Variants in CTNNA3 observed in about 807,000 individuals in gnomAD.
CTNNA3 encodes the protein catenin alpha-3.
In CTNNA3, 76 loss-of-function variants were observed where a neutral mutation model predicts 95.7. The observed-to-expected ratio is 0.79, with a 90% CI of 0.66 to 0.96. The LOEUF is 0.96. Ranked by LOEUF, CTNNA3 falls within the 40% of genes least tolerant of loss-of-function variation. CTNNA3 has a pLI of 0.00. For synonymous variants in CTNNA3, 431 were observed against 374.4 expected (o/e 1.15, Z -1.74); for missense variants, 1,191 against 1,089.8 (o/e 1.09, Z -1.31).
rs189534227 is a variant in CTNNA3 at position 67,633,329 on chromosome 10, G to A, written c.99+14086C>T. On this transcript the variant is annotated intron_variant, in intron 2 of 17. Coordinates refer to ENST00000433211, the MANE Select transcript of CTNNA3 (RefSeq NM_013266.4). ...CCTGCCAGCTTTGGAGAATACAAACGGTCCAGATGAAGAAGGATCCCTCAC... is the reference window on the plus strand; with the variant it reads ...CCTGCCAGCTTTGGAGAATACAAACAGTCCAGATGAAGAAGGATCCCTCAC... Among the ~76,000 whole-genome samples the A allele has an allele frequency of 2.9e-3, 436 of 152,198 alleles. 5 individuals carry two copies. Among genetic ancestry groups the A allele is most frequent in the East Asian group, 2.3e-3 (12 of 5,188 alleles).
intron 5 of CTNNA3, among the ~76,000 whole-genome samples, chr10:67,258,138 CTTTGTTTGTTTG>C (rs556872529): frequency 6.6e-6 from 1 of 151,870 alleles, no homozygotes; most frequent in African/African-American, 2.4e-5. Flanking sequence ...AATGGTTATC[CTTTGTTTGTTTG>C]TTTGTTTGTT....
chr10:66,870,803 A>G (rs568152633), intron 7 of CTNNA3, among the ~76,000 whole-genome samples: 4 of 152,126 alleles, frequency 2.6e-5, no homozygotes, highest in Admixed American at 1.3e-4. Context: ...ACATTTGTTT[A>G]TGATTTTCTT....
chr10:67,698,702 T>A (rs948549884), upstream of CTNNA3, among the ~76,000 whole-genome samples: 6 of 152,178 alleles, frequency 3.9e-5, no homozygotes, highest in Admixed American at 3.3e-4. Context: ...AAAATGAGAT[T>A]TAAAGCTAGG....
intron 7 of CTNNA3, among the ~76,000 whole-genome samples, chr10:66,783,182 G>A (rs1356210760): frequency 6.6e-6 from 1 of 152,090 alleles, no homozygotes; most frequent in African/African-American, 2.4e-5. Flanking sequence ...AATTTTAACC[G>A]ATATTCACCA....
intron 12 of CTNNA3, among the ~76,000 whole-genome samples, chr10:66,334,335 C>T (rs564545175): frequency 6.6e-6 from 1 of 152,024 alleles, no homozygotes; most frequent in South Asian, 2.1e-4. Flanking sequence ...ATAGTCTTTA[C>T]AATTTGGCAT....
chr10:66,105,912 TAACTC>T (rs2081880844), intron 13 of CTNNA3, among the ~76,000 whole-genome samples: 1 of 152,092 alleles, frequency 6.6e-6, no homozygotes, highest in Admixed American at 6.6e-5. Context: ...GGCAATACAT[TAACTC>T]CTTCAGCACT....
At chr10:66,806,754 A>ATGTG (rs1344673321) in intron 7 of CTNNA3, among the ~76,000 whole-genome samples, 7 of 73,468 alleles carry the variant, frequency 9.5e-5, no homozygotes, top group South Asian at 5.0e-4. Context: ...AATGTGGCAT[A>ATGTG]TATGTGTGTG....
At chr10:67,055,913 G>A (rs1176634196) in intron 7 of CTNNA3, among the ~76,000 whole-genome samples, 1 of 152,152 alleles carries the variant, frequency 6.6e-6, no homozygotes, top group East Asian at 1.9e-4. Context: ...GGGAATTCTG[G>A]TCAAGGAGGA....
chr10:66,629,387 T>C (rs923148575), intron 9 of CTNNA3, among the ~76,000 whole-genome samples: 2 of 152,136 alleles, frequency 1.3e-5, no homozygotes, highest in Non-Finnish European at 2.9e-5. Context: ...CTCTCAGTAA[T>C]ATCTCAAATC....
chr10:66,507,758 A>G (rs1215111301), intron 11 of CTNNA3, among the ~76,000 whole-genome samples: 1 of 152,078 alleles, frequency 6.6e-6, no homozygotes, highest in African/African-American at 2.4e-5. Context: ...CTGTTAATGG[A>G]CATTTAGGTT....
chr10:66,960,972 T>G (rs1175545214), intron 7 of CTNNA3, among the ~76,000 whole-genome samples: 1 of 152,180 alleles, frequency 6.6e-6, no homozygotes, highest in East Asian at 1.9e-4. Context: ...CTGAGAACAA[T>G]GTTTTTAAAT....
intron 13 of CTNNA3, among the ~76,000 whole-genome samples, chr10:66,252,277 A>G (rs2090589637): frequency 6.6e-6 from 1 of 152,134 alleles, no homozygotes; most frequent in South Asian, 2.1e-4. Context: ...TCTCAGGAAG[A>G]GAACATATTT....
chr10:66,103,130 G>T (rs998782164), intron 14 of CTNNA3, 27 bp downstream of exon 14: 58 of 1,578,456 alleles, frequency 3.7e-5, no homozygotes, highest in Non-Finnish European at 4.7e-5. Context: ...ACAGTACATG[G>T]TTCTCCCACC....
At chr10:67,195,603 C>T (rs1863325248) in intron 6 of CTNNA3, among the ~76,000 whole-genome samples, 1 of 151,954 alleles carries the variant, frequency 6.6e-6, no homozygotes, top group Admixed American at 6.6e-5. Flanking sequence ...TGAATAAAGC[C>T]ATAGACCCAT....
intron 5 of CTNNA3, among the ~76,000 whole-genome samples, chr10:67,434,923 G>A (rs1222859355): frequency 2.0e-5 from 3 of 151,902 alleles, no homozygotes; most frequent in African/African-American, 7.2e-5. Flanking sequence ...CTGAGTACCT[G>A]TGAAATCAGA....
chr10:66,197,261 T>G lies in CTNNA3; in HGVS notation c.1884+83209A>C, dbSNP rs578262130. Among the ~76,000 whole-genome samples, 230 of 152,274 alleles carry G rather than the reference T, an allele frequency of 1.5e-3. 1 individual carries two copies. Among genetic ancestry groups the G allele is most frequent in the Non-Finnish European group, 1.4e-3 (98 of 68,018 alleles). On this transcript the variant is annotated intron_variant, in intron 13 of 17. Coordinates refer to ENST00000433211, the MANE Select transcript of CTNNA3 (RefSeq NM_013266.4). ...ACTAAAAAGAGATCTGTTTATGAGT[T>G]ATACTCAACCCATAGGTTACTGTTT...
intron 7 of CTNNA3, among the ~76,000 whole-genome samples, chr10:66,777,803 A>ACATG (rs1554851019): frequency 6.7e-6 from 1 of 149,514 alleles, no homozygotes; most frequent in African/African-American, 2.5e-5. Context: ...ACACATGCAC[A>ACATG]CACACACACA....
chr10:67,392,938 G>A (rs1484013180), intron 5 of CTNNA3, among the ~76,000 whole-genome samples: 1 of 152,106 alleles, frequency 6.6e-6, no homozygotes, highest in Non-Finnish European at 1.5e-5. Flanking sequence ...GATAGCATTG[G>A]GAGATATACC....
intron 10 of CTNNA3, among the ~76,000 whole-genome samples, chr10:66,598,775 G>C (rs887163140): frequency 1.3e-5 from 2 of 151,994 alleles, no homozygotes; most frequent in African/African-American, 4.8e-5. Context: ...AAAGATATCT[G>C]TGTTCAATGA....
Sources: allele counts gnomAD v4.1 joint callset (sites outside exome capture counted in the v4.1 genomes callset), GRCh38; gene constraint gnomAD v4.1.1; transcripts MANE v1.5; gene names NCBI Gene and HGNC (gene_info 2026-07-23, HGNC 2026-07-21).